XKR6: variants seen among roughly 807,000 people sequenced by gnomAD.
The protein encoded by XKR6 is XK-related protein 6.
In XKR6, 22 loss-of-function variants were observed where a neutral mutation model predicts 56.7. The observed-to-expected ratio is 0.39, with a 90% confidence interval of 0.28 to 0.55. The LOEUF (loss-of-function observed/expected upper bound fraction) is 0.55. Among genes scored for constraint, XKR6 ranks in the 20% least tolerant of loss-of-function variants. XKR6 has a pLI of 0.66. For missense variants in XKR6, 852 were observed against 889.0 expected, an observed-to-expected ratio of 0.96 and a Z score of 0.53; for synonymous variants, 524 against 387.8, an observed-to-expected ratio of 1.35 and a Z score of -4.13.
intron 2 of XKR6, among the ~76,000 whole-genome samples, chr8:10,916,872 G>A (rs200399026): frequency 2.6e-4 from 40 of 152,316 alleles, no homozygotes; most frequent in South Asian, 2.1e-4. Context: ...AAGCTCAAAC[G>A]CAGCCCTCTA....
chr8:10,974,793 G>A (rs372840441), intron 1 of XKR6, among the ~76,000 whole-genome samples: 6 of 152,306 alleles, frequency 3.9e-5, no homozygotes, highest in East Asian at 3.9e-4. Flanking sequence ...CACAGAGCTC[G>A]AGGTGGGAAC....
intron 1 of XKR6, among the ~76,000 whole-genome samples, chr8:11,125,155 A>C (rs1458264343): frequency 1.3e-5 from 2 of 152,060 alleles, no homozygotes; most frequent in Non-Finnish European, 2.9e-5. Context: ...ATGTGAAAGC[A>C]AGCGTGGGGC....
intron 1 of XKR6, among the ~76,000 whole-genome samples, chr8:11,089,587 T>C (rs1300748813): frequency 1.3e-5 from 2 of 152,184 alleles, no homozygotes; most frequent in African/African-American, 4.8e-5. Flanking sequence ...CAGTGAGCTA[T>C]GACTGTTCTA....
chr8:11,190,216 G>C (rs558894773), intron 1 of XKR6, among the ~76,000 whole-genome samples: 1 of 116,360 alleles, frequency 8.6e-6, no homozygotes, highest in African/African-American at 3.6e-5. Flanking sequence ...AAGAAAGAAA[G>C]AAAGAAAGAG....
intron 1 of XKR6, among the ~76,000 whole-genome samples, chr8:10,942,776 C>T (rs1336522630): frequency 6.6e-6 from 1 of 152,246 alleles, no homozygotes; most frequent in Non-Finnish European, 1.5e-5. Context: ...CCGCCCTGTT[C>T]ACGCTACAAC....
chr8:10,924,309 G>T (rs1327260154), intron 2 of XKR6, among the ~76,000 whole-genome samples: 1 of 152,230 alleles, frequency 6.6e-6, no homozygotes, highest in Non-Finnish European at 1.5e-5. Context: ...CAAATGCCTG[G>T]CTCAGGTCAG....
intron 1 of XKR6, among the ~76,000 whole-genome samples, chr8:10,990,042 T>C (rs1032615448): frequency 2.6e-5 from 4 of 152,184 alleles, no homozygotes; most frequent in African/African-American, 7.2e-5. Flanking sequence ...TGATCTACAA[T>C]AGGTGGTCAT....
At chr8:11,000,627 G>T (rs1034271658) in intron 1 of XKR6, among the ~76,000 whole-genome samples, 1 of 152,204 alleles carries the variant, frequency 6.6e-6, no homozygotes, top group South Asian at 2.1e-4. Context: ...AGAGATTGCA[G>T]TGAGCCAAGA....
intron 1 of XKR6, among the ~76,000 whole-genome samples, chr8:11,081,796 G>A (rs1797730896): frequency 6.6e-6 from 1 of 152,220 alleles, no homozygotes; most frequent in African/African-American, 2.4e-5. Flanking sequence ...TTCTGCAAGT[G>A]TTCATTAGGA....
At chr8:11,143,330 C>A (rs182897697) in intron 1 of XKR6, among the ~76,000 whole-genome samples, 1 of 152,122 alleles carries the variant, frequency 6.6e-6, no homozygotes, top group Non-Finnish European at 1.5e-5. Context: ...ATGGCAAGAC[C>A]AAGTCCCTTC....
chr8:11,147,286 T>C (rs1801031923), intron 1 of XKR6, among the ~76,000 whole-genome samples: 1 of 152,128 alleles, frequency 6.6e-6, no homozygotes, highest in African/African-American at 2.4e-5. Context: ...GTACCTAGAA[T>C]AAAGATTCCT....
chr8:10,912,993 CATAT>C (rs145679122), intron 2 of XKR6, among the ~76,000 whole-genome samples: 1 of 143,474 alleles, frequency 7.0e-6, no homozygotes, highest in South Asian at 2.2e-4. Flanking sequence ...TATACACATA[CATAT>C]ATATATATAT....
chr8:10,980,985 A>G (rs1442345090), intron 1 of XKR6, among the ~76,000 whole-genome samples: 1 of 152,168 alleles, frequency 6.6e-6, no homozygotes, highest in African/African-American at 2.4e-5. Context: ...CAGAAAAAAA[A>G]AAGAGAAGAG....
rs146250219 is a variant in XKR6, at chr8:10,964,082, C to A, written c.765-39252G>T. 7.6e-4 allele frequency among the ~76,000 whole-genome samples: 116 copies of A among 152,328 alleles called. 1 individual carries two copies. Among genetic ancestry groups the A allele is most frequent in the Non-Finnish European group, 1.5e-3 (105 of 68,034 alleles). On this transcript the variant is annotated intron_variant, in intron 1 of 2. Coordinates refer to ENST00000416569, the MANE Select transcript of XKR6 (RefSeq NM_173683.4). ...ACACAGAGTACCTACCACTCAAGAT[C>A]TTGTGCCTCAAATGGGCTGTTCAGC...
chr8:11,162,024 T>C (rs1320618150), intron 1 of XKR6, among the ~76,000 whole-genome samples: 2 of 152,060 alleles, frequency 1.3e-5, no homozygotes, highest in Non-Finnish European at 2.9e-5. Context: ...GAGTTCTACA[T>C]CTAGAAAGCA....
chr8:11,082,461 A>G (rs1021449499), intron 1 of XKR6, among the ~76,000 whole-genome samples: 2 of 152,232 alleles, frequency 1.3e-5, no homozygotes, highest in Non-Finnish European at 2.9e-5. Flanking sequence ...CAGTGCCCAG[A>G]GAGGCCTGCA....
chr8:11,124,940 T>C (rs1473589223), intron 1 of XKR6: 2 of 145,406 alleles, frequency 1.4e-5, no homozygotes, highest in African/African-American at 5.1e-5. Flanking sequence ...AAAAAAAAAA[T>C]TAGCCGGGCG....
intron 1 of XKR6, chr8:11,137,408 G>T: frequency 2.8e-6 from 1 of 361,442 alleles, no homozygotes; most frequent in South Asian, 2.1e-5. Flanking sequence ...ATTCTAGCTA[G>T]AATAGTGAGA....
intron 1 of XKR6, among the ~76,000 whole-genome samples, chr8:10,955,028 C>T (rs1027984024): frequency 2.4e-4 from 37 of 151,862 alleles, no homozygotes; most frequent in African/African-American, 8.2e-4. Context: ...GCCACCATGC[C>T]CAGCTAATTT....
Sources: allele counts gnomAD v4.1 joint callset (sites outside exome capture counted in the v4.1 genomes callset), GRCh38; gene constraint gnomAD v4.1.1; transcripts MANE v1.5; gene names NCBI Gene and HGNC (gene_info 2026-07-23, HGNC 2026-07-21).